The following LIMD2 variants were observed in gnomAD, a reference collection of about 807,000 sequenced individuals.
LIMD2 encodes the protein LIM domain-containing protein 2.
In LIMD2, 11 loss-of-function variants were observed where a neutral mutation model predicts 16.0. The ratio of observed to expected loss-of-function variants is 0.69; its 90% CI spans 0.43 to 1.14. The LOEUF is 1.14. LIMD2 is among the 50% of genes most tolerant of loss of function. LIMD2 has a pLI of 0.00. For missense variants in LIMD2, 168 were observed against 165.8 expected (o/e 1.01, Z -0.07); for synonymous variants, 60 against 67.1 (o/e 0.89, Z 0.52).
chr17:63,698,805 T>A lies in LIMD2; in HGVS notation c.218A>T (p.Lys73Met). The change falls in exon 4 of 5, where the codon AAG (lysine) becomes ATG (methionine). Residue 73 changes from lysine (K) to methionine (M), a missense_variant. Lys to Met is a moderately conservative substitution (Grantham distance 95). Coordinates refer to ENST00000259006, the MANE Select transcript of LIMD2 (RefSeq NM_030576.4). Reference sequence around the variant, plus strand: ...GGGCAGGGCAGGGGCGCACCTGAGCTTGGTGTGACAGTGCTTGCAGCAGAA... The same window carrying A: ...GGGCAGGGCAGGGGCGCACCTGAGCATGGTGTGACAGTGCTTGCAGCAGAA... Reference protein sequence around the residue: ...SCFCCKHCHTKLSLGSYAALH... With the variant: ...SCFCCKHCHTMLSLGSYAALH... 2 of 1,611,800 alleles carry A rather than the reference T, an allele frequency of 1.2e-6. No individual in the cohort carries two copies. Among genetic ancestry groups the A allele is most frequent in the Non-Finnish European group, 8.5e-7 (1 of 1,179,654 alleles).
At chr17:63,700,252 C>T (rs1235268862), upstream of LIMD2, 1 of 745,890 alleles carries the variant, frequency 1.3e-6, no homozygotes, top group Non-Finnish European at 1.6e-6. This position sits in a 1 kb window ranked among gnomAD's most constrained non-coding sequence, Gnocchi z 7.1. Context: ...CGCCGACCCC[C>T]CTCCGCGCTT....
At chr17:63,700,295 C>T (rs1214666694), upstream of LIMD2, 1 of 397,792 alleles carries the variant, frequency 2.5e-6, no homozygotes, top group East Asian at 1.6e-4. This position sits in a 1 kb window ranked among gnomAD's most constrained non-coding sequence, Gnocchi z 7.1. Context: ...CCGCCTTTGT[C>T]TGTCCCCCGC....
At chr17:63,699,772 TCC>T in intron 1 of LIMD2, 1 of 329,574 alleles carries the variant, frequency 3.0e-6, no homozygotes, top group Non-Finnish European at 4.3e-6. Context: ...GCGCCCGAGG[TCC>T]CCGCCCGCCC....
Position 63,698,171 on chromosome 17 carries a change from A to C in LIMD2, c.*381T>G, listed in dbSNP as rs1014874415. The stretch of plus-strand genomic sequence containing the variant: ...AGGTAGATGGGGAGACGTGGGGGCC[A>C]CACAGTCTCCGGTGGCAGTGAGGGA... On this transcript the variant is annotated 3_prime_UTR_variant, in exon 5 of 5. Coordinates refer to ENST00000259006, the MANE Select transcript of LIMD2 (RefSeq NM_030576.4). 1.2e-4 allele frequency: 30 copies of C among 244,028 alleles called. No homozygotes were observed. The Admixed American group carries it at 1.4e-3, about 12-fold the overall frequency. 15.1% of individuals were successfully genotyped at this position (244,028 alleles called of 1,614,324 possible).
chr17:63,697,723 G>C lies in LIMD2; in HGVS notation c.*829C>G, dbSNP rs2035712933. Reference sequence around the variant, plus strand: ...CCCTGCCCCCATCAGGGCCGAGGTAGTCGGGGCTGGCCCTGTCCCCCCATG... The same window carrying C: ...CCCTGCCCCCATCAGGGCCGAGGTACTCGGGGCTGGCCCTGTCCCCCCATG... On this transcript the variant is annotated 3_prime_UTR_variant, in exon 5 of 5. Coordinates refer to ENST00000259006, the MANE Select transcript of LIMD2 (RefSeq NM_030576.4). 6.6e-6 allele frequency: 1 copy of C among 152,284 alleles called. No individual in the cohort carries two copies. Among genetic ancestry groups the C allele is most frequent in the Admixed American group, 6.5e-5 (1 of 15,286 alleles). The allele number at this position is 152,284 out of a possible 1,614,324, so 9.4% of individuals were successfully genotyped here.
chr17:63,697,105 C>A lies in LIMD2; in HGVS notation c.*1447G>T, dbSNP rs145240163. On this transcript the variant is annotated 3_prime_UTR_variant, in exon 5 of 5. Transcript: ENST00000259006. ...ACCCAGACTTCTGCCTGTGTCCCAC[C>A]GGGGCGCCCTCAGGTCCTCCCAACT... 1 of 152,272 alleles carries A rather than the reference C, an allele frequency of 6.6e-6. No homozygotes were observed. Among genetic ancestry groups the A allele is most frequent in the Non-Finnish European group, 1.5e-5 (1 of 68,106 alleles). The allele number at this position is 152,272 out of a possible 1,614,324, so 9.4% of individuals were successfully genotyped here. A position where few individuals can be genotyped will look rare whatever the true frequency, so the allele number is the denominator to read the frequency against.
intron 1 of LIMD2, chr17:63,699,549 C>T (rs1040932776): frequency 5.9e-6 from 3 of 511,720 alleles, no homozygotes; most frequent in African/African-American, 2.0e-5. Flanking sequence ...CGAGTGGCAC[C>T]GTCCCTCGGA....
intron 4 of LIMD2, 32 bp from the exon 5 acceptor site, chr17:63,698,743 G>C: frequency 6.2e-7 from 1 of 1,612,820 alleles, no homozygotes; most frequent in Non-Finnish European, 8.5e-7. Context: ...GTCAGGTCAG[G>C]TCAGGTCGGG....
rs978844386 is a variant in LIMD2 at position 63,697,473 on chromosome 17, A to G, written c.*1079T>C. 3 of 152,234 alleles carry G rather than the reference A, an allele frequency of 2.0e-5. No homozygotes were observed. Among genetic ancestry groups the G allele is most frequent in the Non-Finnish European group, 4.4e-5 (3 of 68,070 alleles). The allele number at this position is 152,234 out of a possible 1,614,324, so 9.4% of individuals were successfully genotyped here. On this transcript the variant is annotated 3_prime_UTR_variant, in exon 5 of 5. Transcript: ENST00000259006. ...CCCCAGGCACTGAAGTGCAGCGAGG[A>G]CAGGCGCCATCACCCACTGGCAGCC...
upstream of LIMD2, chr17:63,700,716 G>C (rs536298909): frequency 6.6e-6 from 1 of 151,468 alleles, no homozygotes; most frequent in Non-Finnish European, 1.5e-5. The surrounding 1 kb of genome is among the most constrained non-coding windows in gnomAD (Gnocchi z 7.1). Context: ...GGCCGCCCCC[G>C]CCCCTTTGCG....
Position 63,698,875 on chromosome 17 carries a change from T to C in LIMD2, c.148A>G (p.Met50Val). 1 of 1,612,648 alleles carries C rather than the reference T, an allele frequency of 6.2e-7. No homozygotes were observed. Among genetic ancestry groups the C allele is most frequent in the South Asian group, 1.1e-5 (1 of 91,080 alleles). ...CAACQKTVYP[M>V]ERLVADKLIF... ...AGCTTGTCGGCCACCAGCCGCTCCA[T>C]GGGGTACACGGTCTTCTGGCAGGCG... The change falls in exon 4 of 5, where the codon ATG (methionine) becomes GTG (valine). Residue 50 changes from methionine (M) to valine (V), a missense_variant. Coordinates refer to ENST00000259006, the MANE Select transcript of LIMD2 (RefSeq NM_030576.4).
At chr17:63,699,683 C>T (rs111672905) in intron 1 of LIMD2, 1 of 332,774 alleles carries the variant, frequency 3.0e-6, no homozygotes, top group Non-Finnish European at 4.3e-6. Context: ...TGAGAAGCCG[C>T]TGCCCCGACC....
At chr17:63,699,589 G>A (rs1012310074) in intron 1 of LIMD2, 8 of 377,984 alleles carry the variant, frequency 2.1e-5, no homozygotes, top group African/African-American at 1.1e-4. Flanking sequence ...CGGAGGGGCC[G>A]GGGGCTCCCG....
chr17:63,697,402 A>G lies in LIMD2; in HGVS notation c.*1150T>C, dbSNP rs187765223. Reference sequence around the variant, plus strand: ...CAGGTCAAAGGGCTGGGAAGAAGGGAGGGAGCTAGACAGCTGGAACCAGCC... The same window carrying G: ...CAGGTCAAAGGGCTGGGAAGAAGGGGGGGAGCTAGACAGCTGGAACCAGCC... On this transcript the variant is annotated 3_prime_UTR_variant, in exon 5 of 5. Transcript: ENST00000259006. 1.1e-4 allele frequency: 16 copies of G among 152,344 alleles called. No individual in the cohort carries two copies. Among genetic ancestry groups the G allele is most frequent in the African/African-American group, 3.6e-4 (15 of 41,552 alleles). 9.4% of individuals were successfully genotyped at this position (152,344 alleles called of 1,614,324 possible). A position where few individuals can be genotyped will look rare whatever the true frequency, so the allele number is the denominator to read the frequency against.
At chr17:63,699,389 C>T (rs962976468) in intron 1 of LIMD2, 41 bp from the exon 2 acceptor site, 120 of 1,500,292 alleles carry the variant, frequency 8.0e-5, no homozygotes, top group Non-Finnish European at 1.0e-4. Context: ...GCCAGCCCGG[C>T]CCCAGCCTGC....
At chr17:63,699,003 C>A in intron 3 of LIMD2, 25 bp downstream of exon 3, 3 of 1,609,930 alleles carry the variant, frequency 1.9e-6, no homozygotes, top group Non-Finnish European at 1.7e-6. Flanking sequence ...CCCCTCCTCC[C>A]GCACACCCGG....
At chr17:63,699,772 T>TGGGC in intron 1 of LIMD2, 9 of 329,564 alleles carry the variant, frequency 2.7e-5, no homozygotes, top group Non-Finnish European at 3.4e-5. Context: ...GCGCCCGAGG[T>TGGGC]CCCCGCCCGC....
Position 63,696,718 on chromosome 17 carries a change from T to C in LIMD2, c.*1834A>G, listed in dbSNP as rs2035699452. On this transcript the variant is annotated 3_prime_UTR_variant, in exon 5 of 5. Coordinates refer to ENST00000259006, the MANE Select transcript of LIMD2 (RefSeq NM_030576.4). ...GAGCCACCTCTCCAGTACCCCCTTG[T>C]GGTCATCTGCTACTGTTGCTTAACC... The C allele has an allele frequency of 6.6e-6, 1 of 152,278 alleles. No homozygotes were observed. Among genetic ancestry groups the C allele is most frequent in the Non-Finnish European group, 1.5e-5 (1 of 68,074 alleles). The allele number at this position is 152,278 out of a possible 1,614,324, so 9.4% of individuals were successfully genotyped here.
upstream of LIMD2, chr17:63,700,829 C>T (rs915095351): frequency 8.2e-6 from 1 of 121,478 alleles, no homozygotes; most frequent in Non-Finnish European, 1.8e-5. This position sits in a 1 kb window ranked among gnomAD's most constrained non-coding sequence, Gnocchi z 7.1. Flanking sequence ...CGGCAGCCCC[C>T]CCAGCCCTCG....
Sources: gnomAD v4.1 joint callset for allele counts on GRCh38, gnomAD v4.1.1 for gene constraint, Gnocchi (gnomAD v3.1) non-coding constraint, MANE v1.5 for transcripts, NCBI Gene and HGNC (gene_info 2026-07-23, HGNC 2026-07-21) for gene names.